RNF135: variants seen among roughly 807,000 people sequenced by gnomAD.
RNF135 encodes E3 ubiquitin-protein ligase RNF135.
In RNF135, 46 loss-of-function variants were observed where a neutral mutation model predicts 41.9. That is an observed-to-expected ratio of 1.10 (90% CI 0.87 to 1.40). The LOEUF (loss-of-function observed/expected upper bound fraction) is 1.40. Among genes scored for constraint, RNF135 ranks in the 40% most tolerant of loss-of-function variants. The pLI, the probability that RNF135 is intolerant of heterozygous loss-of-function variation, is 0.00. For missense variants in RNF135, 539 were observed against 549.8 expected, an observed-to-expected ratio of 0.98 and a Z score of 0.20; for synonymous variants, 238 against 223.8, an observed-to-expected ratio of 1.06 and a Z score of -0.57.
chr17:30,971,286 C>G lies in RNF135; in HGVS notation c.213C>G (p.His71Gln), dbSNP rs7225888. The G allele has an allele frequency of 0.042, 64,668 of 1,527,428 alleles. 17,184 individuals carry two copies. The African/African-American group carries it at 0.69, about 16-fold the overall frequency. 94.6% of individuals were successfully genotyped at this position (1,527,428 alleles called of 1,614,324 possible). ...GCCAGGGCGCCGCGCAGCAGCCGCACCTGCGGAAGAACACGCTACTGCAGG... is the reference window on the plus strand; with the variant it reads ...GCCAGGGCGCCGCGCAGCAGCCGCAGCTGCGGAAGAACACGCTACTGCAGG... ...TCRQGAAQQP[H>Q]LRKNTLLQDL... The change falls in exon 1 of 5, where the codon CAC becomes CAG. Residue 71 changes from histidine (H) to glutamine (Q), a missense_variant. This residue lies in a region of RNF135 where 277 missense variants were observed against 212.8 expected (regional missense o/e 1.30). Transcript: ENST00000328381.
At position 30,983,353 on chromosome 17, in the gene RNF135, A is replaced by ATTT. The variant is rs1192298651; in HGVS notation, c.373-1248_373-1246dup. Among the ~76,000 whole-genome samples, 24 of 35,728 alleles carry ATTT rather than the reference A, an allele frequency of 6.7e-4. 1 individual carries two copies. Among genetic ancestry groups the ATTT allele is most frequent in the Admixed American group, 1.5e-3 (3 of 2,068 alleles). 23.4% of individuals were successfully genotyped at this position (35,728 alleles called of 152,430 possible). Reference sequence around the variant, plus strand: ...TATATATATATATATATATATATATATTTTTTTTTTTTTTTTTTGAGATGG... The same window carrying ATTT: ...TATATATATATATATATATATATATATTTTTTTTTTTTTTTTTTTTTGAGATGG... On this transcript the variant is annotated intron_variant, in intron 1 of 4. Coordinates refer to ENST00000328381, the MANE Select transcript of RNF135 (RefSeq NM_032322.4).
intron 4 of RNF135, among the ~76,000 whole-genome samples, chr17:30,998,262 G>A (rs1038625692): frequency 2.3e-4 from 35 of 152,186 alleles, no homozygotes; most frequent in African/African-American, 8.2e-4. Context: ...GTATAGTCTG[G>A]GTGCAGTGGC....
intron 1 of RNF135, among the ~76,000 whole-genome samples, chr17:30,983,124 A>G (rs921426258): frequency 2.0e-4 from 31 of 151,732 alleles, no homozygotes; most frequent in Admixed American, 1.6e-3. Context: ...GTAGTATTCT[A>G]TTGTATGTAT....
intron 1 of RNF135, among the ~76,000 whole-genome samples, chr17:30,984,409 C>G (rs754381228): frequency 1.3e-4 from 20 of 152,146 alleles, no homozygotes; most frequent in Non-Finnish European, 2.5e-4. Flanking sequence ...AAAAAACTGT[C>G]CTTTCTCCAT....
At chr17:30,964,058 G>T in the RNF135 span, among the ~76,000 whole-genome samples, 1 of 152,086 alleles carries the variant, frequency 6.6e-6, no homozygotes, top group Non-Finnish European at 1.5e-5. Context: ...GATCTCTTCC[G>T]TCCCTTGACA....
chr17:30,973,472 GTTTT>G (rs58753741), intron 1 of RNF135, among the ~76,000 whole-genome samples: 3 of 144,572 alleles, frequency 2.1e-5, no homozygotes, highest in Non-Finnish European at 4.6e-5. Flanking sequence ...TCTTCTAAGA[GTTTT>G]TTTTTTTTTG....
At chr17:30,970,673 C>T (rs891644496), upstream of RNF135, 6 of 240,592 alleles carry the variant, frequency 2.5e-5, no homozygotes, top group South Asian at 3.1e-4. Flanking sequence ...TGAATGGAGT[C>T]CTCTCCTCCC....
intron 1 of RNF135, chr17:30,976,036 T>G (rs1906429959): frequency 3.8e-6 from 1 of 264,458 alleles, no homozygotes; most frequent in South Asian, 6.3e-5. Flanking sequence ...AGATGGCGTC[T>G]CGCTCTGTTG....
At chr17:30,989,527 A>G (rs1437647149) in intron 3 of RNF135, among the ~76,000 whole-genome samples, 1 of 152,198 alleles carries the variant, frequency 6.6e-6, no homozygotes, top group Non-Finnish European at 1.5e-5. Flanking sequence ...TTGAAAAATA[A>G]CTAACACCTT....
At chr17:30,983,345 ATATATATAT>A (rs542700497) in intron 1 of RNF135, among the ~76,000 whole-genome samples, 158 of 34,160 alleles carry the variant, frequency 4.6e-3, no homozygotes, top group African/African-American at 0.014. Flanking sequence ...ATATATATAT[ATATATATAT>A]TTTTTTTTTT....
At chr17:30,996,640 A>C (rs771668318) in intron 3 of RNF135, among the ~76,000 whole-genome samples, 2 of 152,204 alleles carry the variant, frequency 1.3e-5, no homozygotes, top group African/African-American at 2.4e-5. Flanking sequence ...AGATACAAGT[A>C]GGACAAGATT....
intron 3 of RNF135, among the ~76,000 whole-genome samples, chr17:30,988,965 C>G (rs1166907008): frequency 3.8e-5 from 5 of 132,956 alleles, no homozygotes; most frequent in Admixed American, 1.5e-4. Context: ...AGAGTTTCAC[C>G]ATGTTGGACA....
chr17:30,971,512 GT>G (rs1156792700), intron 1 of RNF135, 67 bp downstream of exon 1: 1 of 1,416,300 alleles, frequency 7.1e-7, no homozygotes, highest in Non-Finnish European at 9.1e-7. Context: ...CCTTTCCCAT[GT>G]GGCTCGAACC....
At chr17:30,967,970 T>C (rs1047466251), upstream of RNF135, among the ~76,000 whole-genome samples, 2 of 151,984 alleles carry the variant, frequency 1.3e-5, no homozygotes, top group African/African-American at 4.8e-5. Context: ...CGGCCAAGAA[T>C]GACAAAATGT....
At chr17:30,988,808 G>GTC (rs1406874795) in intron 3 of RNF135, among the ~76,000 whole-genome samples, 7 of 146,254 alleles carry the variant, frequency 4.8e-5, no homozygotes, top group Admixed American at 2.7e-4. Context: ...TTGAGACAGA[G>GTC]TCTCACTCCG....
At chr17:30,972,485 T>G (rs1041292360) in intron 1 of RNF135, 2 of 152,176 alleles carry the variant, frequency 1.3e-5, no homozygotes, top group African/African-American at 4.8e-5. Context: ...CTATCACTTC[T>G]GTTTCCAAAA....
At chr17:30,982,759 A>T (rs1199440048) in intron 1 of RNF135, among the ~76,000 whole-genome samples, 1 of 152,196 alleles carries the variant, frequency 6.6e-6, no homozygotes, top group Non-Finnish European at 1.5e-5. Context: ...TTAAGTATAC[A>T]GTTTGGTGAT....
At chr17:30,985,961 C>T (rs1026707221) in intron 2 of RNF135, among the ~76,000 whole-genome samples, 2 of 152,160 alleles carry the variant, frequency 1.3e-5, no homozygotes, top group Admixed American at 6.6e-5. Context: ...TTCCCTCCAT[C>T]ACTTAGGTAA....
chr17:30,970,240 C>T (rs1471033915), upstream of RNF135: 4 of 149,598 alleles, frequency 2.7e-5, no homozygotes, highest in Non-Finnish European at 4.4e-5. Flanking sequence ...ACGTGGTGCT[C>T]TTTTAGCTCT....
Sources: allele counts gnomAD v4.1 joint callset (sites outside exome capture counted in the v4.1 genomes callset), GRCh38; gene constraint gnomAD v4.1.1; regional missense constraint gnomAD v4.1.1; transcripts MANE v1.5; gene names NCBI Gene and HGNC (gene_info 2026-07-23, HGNC 2026-07-21).